Variants in GALNT13 observed in about 807,000 individuals in gnomAD.
The protein encoded by GALNT13 is polypeptide N-acetylgalactosaminyltransferase 13, also known as UDP-GalNAc:polypeptide N-acetylgalactosaminyltransferase 13.
In GALNT13, 28 loss-of-function variants were observed where a neutral mutation model predicts 64.2. That is an observed-to-expected ratio of 0.44 (90% CI 0.32 to 0.60). The LOEUF (loss-of-function observed/expected upper bound fraction) is 0.60. GALNT13 is among the 20% of genes least tolerant of loss of function. The pLI, the probability that GALNT13 is intolerant of heterozygous loss-of-function variation, is 0.05. For missense variants in GALNT13, 577 were observed against 669.8 expected (o/e 0.86, Z 1.53); for synonymous variants, 214 against 224.6 (o/e 0.95, Z 0.42).
intron 8 of GALNT13, among the ~76,000 whole-genome samples, chr2:154,259,613 G>A (rs1201153896): frequency 6.6e-6 from 1 of 152,128 alleles, no homozygotes; most frequent in African/African-American, 2.4e-5. Context: ...TGTTGGATAA[G>A]TCAGTTTGAA....
chr2:154,221,017 C>T (rs1212250808), intron 4 of GALNT13, among the ~76,000 whole-genome samples: 4 of 151,954 alleles, frequency 2.6e-5, no homozygotes, highest in Non-Finnish European at 5.9e-5. Flanking sequence ...TGCACTGGGG[C>T]TTAGAAAGAT....
chr2:153,136,279 T>C, the GALNT13 span, among the ~76,000 whole-genome samples: 1 of 152,084 alleles, frequency 6.6e-6, no homozygotes, highest in Non-Finnish European at 1.5e-5. Flanking sequence ...CATTTTGAAT[T>C]TGGGGACTTG....
intron 10 of GALNT13, among the ~76,000 whole-genome samples, chr2:154,404,313 T>C (rs1483389282): frequency 6.6e-6 from 1 of 152,188 alleles, no homozygotes; most frequent in Non-Finnish European, 1.5e-5. Flanking sequence ...GTGGCAGCAA[T>C]GACATTATGT....
intron 8 of GALNT13, among the ~76,000 whole-genome samples, chr2:154,269,925 T>TATATATATATATATATATA (rs1421612508): frequency 1.5e-4 from 21 of 139,164 alleles, no homozygotes; most frequent in South Asian, 4.5e-4. Context: ...TATATATATA[T>TATATATATATATATATATA]TTCTAAAGCA....
chr2:153,084,906 G>T, the GALNT13 span, among the ~76,000 whole-genome samples: 1,263 of 152,340 alleles, frequency 8.3e-3, 19 homozygotes, highest in African/African-American at 0.029. Context: ...CTAGGTAGAA[G>T]TTGGAACAAT....
At chr2:154,413,766 C>T (rs1254091626) in intron 11 of GALNT13, among the ~76,000 whole-genome samples, 1 of 152,066 alleles carries the variant, frequency 6.6e-6, no homozygotes, top group Admixed American at 6.6e-5. Flanking sequence ...TTTAGCTTCT[C>T]ATTTGCTAGC....
At chr2:153,907,070 T>C (rs9288294) in intron 2 of GALNT13, among the ~76,000 whole-genome samples, 37,052 of 151,846 alleles carry the variant, frequency 0.24, 4,788 homozygotes, top group Non-Finnish European at 0.28. Flanking sequence ...GTTCATATCC[T>C]TTGCCCAGTT....
the GALNT13 span, among the ~76,000 whole-genome samples, chr2:153,307,649 A>C: frequency 1.3e-5 from 2 of 152,142 alleles, no homozygotes; most frequent in East Asian, 3.8e-4. Flanking sequence ...TTTATATAGA[A>C]ATTATAGGAT....
chr2:153,441,325 G>A, the GALNT13 span, among the ~76,000 whole-genome samples: 1 of 152,314 alleles, frequency 6.6e-6, no homozygotes, highest in African/African-American at 2.4e-5. Context: ...TTTGGTACCA[G>A]TACCATGCTG....
chr2:153,479,083 G>C, the GALNT13 span, among the ~76,000 whole-genome samples: 1 of 152,238 alleles, frequency 6.6e-6, no homozygotes, highest in South Asian at 2.1e-4. Context: ...GTTTGTCGGG[G>C]GAGGGTGCGG....
chr2:153,094,527 G>GA, the GALNT13 span, among the ~76,000 whole-genome samples: 2 of 152,034 alleles, frequency 1.3e-5, no homozygotes, highest in Non-Finnish European at 2.9e-5. Flanking sequence ...CACAGAATTG[G>GA]AAAAAACTAC....
chr2:153,878,692 C>A (rs1218213458), intron 1 of GALNT13, among the ~76,000 whole-genome samples: 2 of 152,154 alleles, frequency 1.3e-5, no homozygotes, highest in Non-Finnish European at 2.9e-5. Context: ...GAACTAATTT[C>A]TCCATCTTCC....
At chr2:153,756,225 T>C in the GALNT13 span, among the ~76,000 whole-genome samples, 1 of 152,148 alleles carries the variant, frequency 6.6e-6, no homozygotes, top group East Asian at 1.9e-4. Flanking sequence ...TATACTATGA[T>C]CAATTTAATA....
the GALNT13 span, among the ~76,000 whole-genome samples, chr2:153,746,845 C>G: frequency 6.6e-6 from 1 of 152,092 alleles, no homozygotes; most frequent in Non-Finnish European, 1.5e-5. Flanking sequence ...GCTGATGAAG[C>G]TGAACAACTT....
At chr2:153,783,659 G>A in the GALNT13 span, among the ~76,000 whole-genome samples, 1 of 152,026 alleles carries the variant, frequency 6.6e-6, no homozygotes, top group Non-Finnish European at 1.5e-5. Flanking sequence ...TGTCAAGGGC[G>A]GGACCAGGTG....
chr2:154,087,197 G>GA (rs964849458), intron 3 of GALNT13, among the ~76,000 whole-genome samples: 14 of 146,820 alleles, frequency 9.5e-5, no homozygotes, highest in South Asian at 2.2e-4. Flanking sequence ...TTTCTTTTAG[G>GA]AAAAAAAAAA....
chr2:153,505,951 G>T, the GALNT13 span, among the ~76,000 whole-genome samples: 1 of 152,102 alleles, frequency 6.6e-6, no homozygotes, highest in Admixed American at 6.6e-5. Context: ...GAGTATTGAA[G>T]TCTCCCACTA....
intron 3 of GALNT13, among the ~76,000 whole-genome samples, chr2:154,127,873 A>G (rs1682385770): frequency 6.6e-6 from 1 of 151,698 alleles, no homozygotes; most frequent in Non-Finnish European, 1.5e-5. Context: ...AACATATGAT[A>G]TGTTTATTGC....
chr2:153,944,563 C>T lies in GALNT13; in HGVS notation c.66C>T (p.Val22=). 1 of 1,613,492 alleles carries T rather than the reference C, an allele frequency of 6.2e-7. No individual in the cohort carries two copies. Among genetic ancestry groups the T allele is most frequent in the East Asian group, 2.2e-5 (1 of 44,834 alleles). The stretch of plus-strand genomic sequence containing the variant: ...CGCTGATGTGGGTTCTTGTTGATGT[C>T]TTCTTACTGCTGTACTTCAGTGAAT... ...ATSLMWVLVD[V]FLLLYFSECN... Residue 22 remains valine, a synonymous_variant, in exon 3 of 13, where the codon GTC becomes GTT. Coordinates refer to ENST00000392825, the MANE Select transcript of GALNT13 (RefSeq NM_052917.4).
Sources: allele counts gnomAD v4.1 joint callset (sites outside exome capture counted in the v4.1 genomes callset), GRCh38; gene constraint gnomAD v4.1.1; transcripts MANE v1.5; gene names NCBI Gene and HGNC (gene_info 2026-07-23, HGNC 2026-07-21).